The following RABIF variants were observed in gnomAD, a reference collection of about 807,000 sequenced individuals.
RABIF encodes the protein guanine nucleotide exchange factor MSS4.
In RABIF, 13 loss-of-function variants were observed where a neutral mutation model predicts 12.3. The observed-to-expected ratio is 1.06, with a 90% CI of 0.69 to 1.68. RABIF has a LOEUF of 1.68. RABIF is among the 40% of genes most tolerant of loss of function. The pLI is 0.00. For missense variants in RABIF, 153 were observed against 158.0 expected (o/e 0.97, Z 0.17); for synonymous variants, 70 against 63.3 (o/e 1.11, Z -0.50).
In RABIF at chr1:202,878,514, C is replaced by G. The variant is rs1229273207; in HGVS notation, c.*2464G>C. On this transcript the variant is annotated 3_prime_UTR_variant, in exon 2 of 2. Coordinates refer to ENST00000367262, the MANE Select transcript of RABIF (RefSeq NM_002871.5). Reference sequence around the variant, plus strand: ...CAGTGAGCTGGGTAGTCCAAAGGACCTATCCACCATTATCAGAAGCAGAAG... The same window carrying G: ...CAGTGAGCTGGGTAGTCCAAAGGACGTATCCACCATTATCAGAAGCAGAAG... Among the ~76,000 whole-genome samples the G allele has an allele frequency of 6.6e-6, 1 of 152,212 alleles. No homozygotes were observed. Among genetic ancestry groups the G allele is most frequent in the Non-Finnish European group, 1.5e-5 (1 of 68,048 alleles).
rs376749153 is a variant in RABIF at position 202,881,042 on chromosome 1, C to A, written c.308G>T (p.Gly103Val). 3.1e-6 allele frequency: 5 copies of A among 1,614,000 alleles called. No individual in the cohort carries two copies. In the African/African-American group the frequency reaches 5.3e-5, roughly 17 times the overall value. The change falls in exon 2 of 2, where the codon GGC (glycine) becomes GTC (valine). Residue 103 changes from glycine to valine, a missense_variant. Physicochemically the swap from Gly to Val is moderately radical, Grantham distance 109. Coordinates refer to ENST00000367262, the MANE Select transcript of RABIF (RefSeq NM_002871.5). ...VCADCEIGPI[G>V]WHCLDDKNSF... is the part of the protein sequence containing the mutation. The stretch of plus-strand genomic sequence containing the variant: ...GTTCTTGTCATCTAGGCAATGCCAG[C>A]CAATTGGTCCAATTTCACAGTCTGC...
At chr1:202,888,343 A>G (rs1659595168) in intron 1 of RABIF, among the ~76,000 whole-genome samples, 1 of 152,186 alleles carries the variant, frequency 6.6e-6, no homozygotes, top group Non-Finnish European at 1.5e-5. Flanking sequence ...GACGTCAGGG[A>G]TCTACTGCAC....
At chr1:202,883,346 C>T (rs1222871777) in intron 1 of RABIF, among the ~76,000 whole-genome samples, 1 of 152,142 alleles carries the variant, frequency 6.6e-6, no homozygotes, top group East Asian at 1.9e-4. Context: ...TCCAGTCATT[C>T]TTTTTGCCTC....
intron 1 of RABIF, among the ~76,000 whole-genome samples, chr1:202,885,982 C>T (rs1260170348): frequency 2.0e-5 from 3 of 150,488 alleles, no homozygotes; most frequent in Admixed American, 6.6e-5. Context: ...AAAAAACCCA[C>T]CTTTTTGCCT....
rs1441033390 is a variant in RABIF at position 202,879,168 on chromosome 1, T to A, written c.*1810A>T. ...GTTTCCTATTCAAGTCGCTATATAT[T>A]TTTTTGTTGTTACTGTTGTTGTTTG... On this transcript the variant is annotated 3_prime_UTR_variant, in exon 2 of 2. Transcript: ENST00000367262. The A allele has an allele frequency of 6.6e-6, 1 of 152,180 alleles. No homozygotes were observed. Among genetic ancestry groups the A allele is most frequent in the Non-Finnish European group, 1.5e-5 (1 of 68,030 alleles). 9.4% of individuals were successfully genotyped at this position (152,180 alleles called of 1,614,324 possible).
chr1:202,887,498 CTTT>C (rs34615240), intron 1 of RABIF, among the ~76,000 whole-genome samples: 24 of 126,622 alleles, frequency 1.9e-4, no homozygotes, highest in Non-Finnish European at 1.9e-4. Flanking sequence ...GGTTAAATAA[CTTT>C]TTTTTTTTTT....
chr1:202,888,846 G>T, intron 1 of RABIF, 127 bp downstream of exon 1: 2 of 1,302,378 alleles, frequency 1.5e-6, no homozygotes, highest in Non-Finnish European at 2.0e-6. Flanking sequence ...GGCCCGAGGG[G>T]CGGGGCTTAA....
Position 202,880,629 on chromosome 1 carries a change from T to C in RABIF, c.*349A>G, listed in dbSNP as rs770253084. The stretch of plus-strand genomic sequence containing the variant: ...GTTATGTGTCATCATAGCTAAAAGG[T>C]TGAATACTGCTCTTCTAGAGCAAGA... On this transcript the variant is annotated 3_prime_UTR_variant, in exon 2 of 2. Transcript: ENST00000367262. The C allele has an allele frequency of 1.1e-6, 1 of 916,084 alleles. No individual in the cohort carries two copies. Among genetic ancestry groups the C allele is most frequent in the Non-Finnish European group, 1.3e-6 (1 of 753,608 alleles). 56.7% of individuals were successfully genotyped at this position (916,084 alleles called of 1,614,324 possible). A position where few individuals can be genotyped will look rare whatever the true frequency, so the allele number is the denominator to read the frequency against.
In RABIF at chr1:202,879,892, A is replaced by T. The variant is rs1659462214; in HGVS notation, c.*1086T>A. The T allele has an allele frequency of 6.6e-6, 1 of 152,214 alleles. No individual in the cohort carries two copies. Among genetic ancestry groups the T allele is most frequent in the African/African-American group, 2.4e-5 (1 of 41,456 alleles). 9.4% of individuals were successfully genotyped at this position (152,214 alleles called of 1,614,324 possible). A position where few individuals can be genotyped will look rare whatever the true frequency, so the allele number is the denominator to read the frequency against. ...AGTCATTTCAGAATAGAAATGATGG[A>T]ATAATTGGAAATCAAGTTGAAGGCT... On this transcript the variant is annotated 3_prime_UTR_variant, in exon 2 of 2. Transcript: ENST00000367262.
intron 1 of RABIF, 110 bp downstream of exon 1, chr1:202,888,863 G>A (rs1014356767): frequency 5.7e-6 from 8 of 1,398,550 alleles, no homozygotes; most frequent in Admixed American, 3.2e-5. Flanking sequence ...TTAAGGCCGC[G>A]CGAGGAGGGC....
Position 202,880,938 on chromosome 1 carries a change from GT to G in RABIF, c.*39del, listed in dbSNP as rs1659479349. 6.2e-7 allele frequency: 1 copy of G among 1,606,704 alleles called. No individual in the cohort carries two copies. Among genetic ancestry groups the G allele is most frequent in the African/African-American group, 1.3e-5 (1 of 74,756 alleles). ...AAAGGCCAGTTCTTGTGGGGAGTAG[GT>G]TTATCTTTGGAGATGGAGCTGAGTA... On this transcript the variant is annotated 3_prime_UTR_variant, in exon 2 of 2. Coordinates refer to ENST00000367262, the MANE Select transcript of RABIF (RefSeq NM_002871.5).
chr1:202,883,194 C>CT (rs535085127), intron 1 of RABIF, among the ~76,000 whole-genome samples: 267 of 152,176 alleles, frequency 1.8e-3, no homozygotes, highest in African/African-American at 6.1e-3. Flanking sequence ...CCACGATATA[C>CT]TTTTTTGTTT....
chr1:202,886,559 T>G (rs1193511701), intron 1 of RABIF, among the ~76,000 whole-genome samples: 1 of 151,866 alleles, frequency 6.6e-6, no homozygotes, highest in Non-Finnish European at 1.5e-5. Context: ...CACTCCAGCC[T>G]CGGCGACAGA....
At chr1:202,887,749 C>T (rs1341499799) in intron 1 of RABIF, among the ~76,000 whole-genome samples, 1 of 152,128 alleles carries the variant, frequency 6.6e-6, no homozygotes, top group Non-Finnish European at 1.5e-5. Context: ...GGTGTTCCGC[C>T]CGCCTCGGCC....
At position 202,881,179 on chromosome 1, in the gene RABIF, G is replaced by C; in HGVS notation, c.171C>G (p.Gly57=). The C allele has an allele frequency of 6.2e-7, 1 of 1,614,172 alleles. No homozygotes were observed. Among genetic ancestry groups the C allele is most frequent in the Non-Finnish European group, 8.5e-7 (1 of 1,180,018 alleles). ...SMRKKPALSD[G]SNPDGDLLQE... ...GGAGGAGATCGCCGTCAGGATTGCT[G>C]CCGTCAGACAGAGCTGGCTTCTTTC... The change falls in exon 2 of 2, where the codon GGC becomes GGG. Residue 57 remains glycine (G), a synonymous_variant. Transcript: ENST00000367262.
At position 202,889,127 on chromosome 1, in the gene RABIF, AC is replaced by A. The variant is rs755051681; in HGVS notation, c.-30del. 541 of 1,588,640 alleles carry A rather than the reference AC, an allele frequency of 3.4e-4. 3 individuals carry two copies. In the African/African-American group the frequency reaches 6.3e-3, roughly 18 times the overall value. On this transcript the variant is annotated 5_prime_UTR_variant, in exon 1 of 2. Transcript: ENST00000367262. ...CGCTGCCGCCACAGGCTCCTCAGCCACGGCTGCGCAGACGCTGTCTCTGCTG... is the reference window on the plus strand; with the variant it reads ...CGCTGCCGCCACAGGCTCCTCAGCCAGGCTGCGCAGACGCTGTCTCTGCTG...
At position 202,889,027 on chromosome 1, in the gene RABIF, C is replaced by G. The variant is rs1659610032; in HGVS notation, c.72G>C (p.Gln24His). 1 of 1,607,748 alleles carries G rather than the reference C, an allele frequency of 6.2e-7. No individual in the cohort carries two copies. Among genetic ancestry groups the G allele is most frequent in the Non-Finnish European group, 8.5e-7 (1 of 1,177,596 alleles). Reference sequence around the variant, plus strand: ...GCTGCAGCACCCGGGAGCCGCAACGCTGGCACAGCACCGCCTTCCGGTTTC... The same window carrying G: ...GCTGCAGCACCCGGGAGCCGCAACGGTGGCACAGCACCGCCTTCCGGTTTC... ...EGRNRKAVLC[Q>H]RCGSRVLQPG... Residue 24 changes from glutamine to histidine, a missense_variant, in exon 1 of 2, where the codon CAG becomes CAC. By Grantham distance (24) the Gln-to-His change is conservative. Transcript: ENST00000367262.
rs1435630257 is a variant in RABIF at position 202,878,711 on chromosome 1, G to A, written c.*2267C>T. 6.6e-6 allele frequency among the ~76,000 whole-genome samples: 1 copy of A among 152,164 alleles called. No individual in the cohort carries two copies. The highest frequency in any genetic ancestry group is 2.1e-4 in the South Asian group (1 of 4,834). On this transcript the variant is annotated 3_prime_UTR_variant, in exon 2 of 2. Coordinates refer to ENST00000367262, the MANE Select transcript of RABIF (RefSeq NM_002871.5). ...TCAACTGCTCTCCCCAATAGAAAAC[G>A]GAAGTTTCTATACTCGGAGCAGAAA...
chr1:202,882,237 A>C (rs1163557148), intron 1 of RABIF, among the ~76,000 whole-genome samples: 1 of 152,068 alleles, frequency 6.6e-6, no homozygotes, highest in Non-Finnish European at 1.5e-5. Flanking sequence ...AAAAATTAGC[A>C]GGCTGTGGTA....
Sources: allele counts gnomAD v4.1 joint callset (sites outside exome capture counted in the v4.1 genomes callset), GRCh38; gene constraint gnomAD v4.1.1; transcripts MANE v1.5; gene names NCBI Gene and HGNC (gene_info 2026-07-23, HGNC 2026-07-21).